The following BICD1 variants were observed in gnomAD, a reference collection of about 807,000 sequenced individuals.
The protein encoded by BICD1 is BICD cargo adaptor 1.
A neutral mutation model predicts 92.5 loss-of-function variants in BICD1; 35 were observed. The observed-to-expected ratio is 0.38, with a 90% confidence interval of 0.29 to 0.50. The LOEUF (loss-of-function observed/expected upper bound fraction) is 0.50, where lower values mean the gene tolerates loss of function less well. BICD1 is among the 20% of genes least tolerant of loss of function. The pLI is 0.93. For synonymous variants in BICD1, 429 were observed against 465.1 expected (o/e 0.92, Z 1.00); for missense variants, 950 against 1,189.8 (o/e 0.80, Z 2.97).
At chr12:32,123,975 T>A (rs1329917247) in intron 1 of BICD1, among the ~76,000 whole-genome samples, 2 of 152,224 alleles carry the variant, frequency 1.3e-5, no homozygotes, top group Non-Finnish European at 2.9e-5. Context: ...TAAACCCATT[T>A]ACTCAAAAGA....
intron 2 of BICD1, among the ~76,000 whole-genome samples, chr12:32,217,390 G>A (rs1945391731): frequency 6.6e-6 from 1 of 152,102 alleles, no homozygotes; most frequent in Admixed American, 6.6e-5. Context: ...TTTGAAATAA[G>A]TGACATATTA....
intron 2 of BICD1, among the ~76,000 whole-genome samples, chr12:32,292,088 C>T (rs894255177): frequency 6.6e-6 from 1 of 152,184 alleles, no homozygotes; most frequent in South Asian, 2.1e-4. Context: ...GGCTTTAAAA[C>T]AACAGAAATT....
chr12:32,118,863 G>C (rs1368050829), intron 1 of BICD1, among the ~76,000 whole-genome samples: 1 of 152,214 alleles, frequency 6.6e-6, no homozygotes, highest in Admixed American at 6.5e-5. Flanking sequence ...ACTGTGTCGG[G>C]CATGGTGCCA....
intron 1 of BICD1, among the ~76,000 whole-genome samples, chr12:32,188,979 G>A (rs1277324372): frequency 1.3e-5 from 2 of 152,124 alleles, no homozygotes; most frequent in Admixed American, 6.5e-5. Context: ...CAGTACCAAA[G>A]TTATTTTTCT....
At chr12:32,268,932 C>T (rs1388408696) in intron 2 of BICD1, among the ~76,000 whole-genome samples, 4 of 152,130 alleles carry the variant, frequency 2.6e-5, no homozygotes, top group Admixed American at 2.0e-4. Context: ...GAGCTTCAAC[C>T]GTTGCAAGTG....
chr12:32,316,064 A>G (rs1948492326), intron 4 of BICD1, among the ~76,000 whole-genome samples: 1 of 150,760 alleles, frequency 6.6e-6, no homozygotes, highest in Admixed American at 6.6e-5. Flanking sequence ...TGAACCCAGG[A>G]GCCAGAGGTT....
At chr12:32,117,438 T>C (rs1447139131) in intron 1 of BICD1, among the ~76,000 whole-genome samples, 1 of 152,184 alleles carries the variant, frequency 6.6e-6, no homozygotes, top group Admixed American at 6.5e-5. Flanking sequence ...TTGGAATGTT[T>C]TCACAGTGTC....
chr12:32,347,366 G>A (rs968715773), intron 8 of BICD1, among the ~76,000 whole-genome samples: 14 of 151,964 alleles, frequency 9.2e-5, no homozygotes, highest in East Asian at 5.9e-4. Context: ...TGAGCCAGGC[G>A]TGGTGGCTCA....
chr12:32,224,397 G>T (rs1397619738), intron 2 of BICD1, among the ~76,000 whole-genome samples: 2 of 152,192 alleles, frequency 1.3e-5, no homozygotes, highest in Non-Finnish European at 2.9e-5. Context: ...ACTTTACTAC[G>T]TTCATTATTG....
At chr12:32,278,385 T>A (rs1947329162) in intron 2 of BICD1, among the ~76,000 whole-genome samples, 1 of 152,226 alleles carries the variant, frequency 6.6e-6, no homozygotes, top group Non-Finnish European at 1.5e-5. Flanking sequence ...GTCAAGCTAG[T>A]AAGCAAGAGA....
intron 4 of BICD1, among the ~76,000 whole-genome samples, chr12:32,318,027 T>G (rs1290620102): frequency 6.6e-6 from 1 of 151,960 alleles, no homozygotes; most frequent in Non-Finnish European, 1.5e-5. Context: ...GTTGTAGATA[T>G]GCAGCATTAT....
At chr12:32,116,196 G>A (rs926515788) in intron 1 of BICD1, among the ~76,000 whole-genome samples, 1 of 151,946 alleles carries the variant, frequency 6.6e-6, no homozygotes, top group Non-Finnish European at 1.5e-5. Context: ...AAATCTCTGA[G>A]ATGGCTGTGT....
rs950519634 is a variant in BICD1, at chr12:32,346,405, T to C, written c.2764+7426T>C. ...GGTGGTGCATGCCTGTAGTTCCACCTACTCAGGAGGCCAAGGTGTGGGGAT... is the reference window on the plus strand; with the variant it reads ...GGTGGTGCATGCCTGTAGTTCCACCCACTCAGGAGGCCAAGGTGTGGGGAT... On this transcript the variant is annotated intron_variant, in intron 8 of 9. Coordinates refer to ENST00000652176, the MANE Select transcript of BICD1 (RefSeq NM_001714.4). Among the ~76,000 whole-genome samples the C allele has an allele frequency of 7.4e-5, 11 of 148,692 alleles. No homozygotes were observed. The South Asian group carries it at 1.9e-3, about 26-fold the overall frequency.
chr12:32,304,635 GAGACATCCC>G (rs1948162091), intron 3 of BICD1, among the ~76,000 whole-genome samples: 3 of 152,238 alleles, frequency 2.0e-5, no homozygotes, highest in Non-Finnish European at 4.4e-5. Flanking sequence ...CGGCTCAGAG[GAGACATCCC>G]TGTCACCCGT....
chr12:32,236,264 G>A (rs369382738), intron 2 of BICD1, among the ~76,000 whole-genome samples: 2 of 151,776 alleles, frequency 1.3e-5, no homozygotes, highest in East Asian at 2.0e-4. Context: ...GTGTGGTGAC[G>A]CACACCTGTA....
At chr12:32,121,132 C>A (rs894977624) in intron 1 of BICD1, among the ~76,000 whole-genome samples, 1 of 151,814 alleles carries the variant, frequency 6.6e-6, no homozygotes, top group Non-Finnish European at 1.5e-5. Flanking sequence ...CCATGCCTGG[C>A]TAAGTTTTTG....
chr12:32,180,924 C>T (rs1388597317), intron 1 of BICD1, among the ~76,000 whole-genome samples: 1 of 151,792 alleles, frequency 6.6e-6, no homozygotes, highest in African/African-American at 2.4e-5. Flanking sequence ...ATCATATTCT[C>T]TTGTGGGCAC....
At chr12:32,148,993 C>A (rs2121419278) in intron 1 of BICD1, among the ~76,000 whole-genome samples, 1 of 146,452 alleles carries the variant, frequency 6.8e-6, no homozygotes, top group East Asian at 2.0e-4. Context: ...GTACTCCACC[C>A]TGGGTGACGA....
At chr12:32,356,799 C>T (rs1450216188) in intron 8 of BICD1, among the ~76,000 whole-genome samples, 1 of 152,146 alleles carries the variant, frequency 6.6e-6, no homozygotes, top group African/African-American at 2.4e-5. Flanking sequence ...TATCAGAATT[C>T]CTGGGTGTGG....
Sources: allele counts gnomAD v4.1 joint callset (sites outside exome capture counted in the v4.1 genomes callset), GRCh38; gene constraint gnomAD v4.1.1; transcripts MANE v1.5; gene names NCBI Gene and HGNC (gene_info 2026-07-23, HGNC 2026-07-21).